ATG10: variants seen among roughly 807,000 people sequenced by gnomAD.
ATG10 encodes the protein ubiquitin-like-conjugating enzyme ATG10.
ATG10 carries 30 observed loss-of-function variants against 32.1 expected under a neutral mutation model. The ratio of observed to expected loss-of-function variants is 0.94; its 90% CI spans 0.70 to 1.27. ATG10 has a LOEUF of 1.27. Ranked by LOEUF, ATG10 falls within the 50% of genes most tolerant of loss-of-function variation. The pLI is 0.00. For synonymous variants in ATG10, 87 were observed against 91.5 expected (o/e 0.95, Z 0.28); for missense variants, 233 against 262.3 (o/e 0.89, Z 0.77).
intron 2 of ATG10, among the ~76,000 whole-genome samples, chr5:82,006,016 G>GA (rs1251727454): frequency 6.6e-6 from 1 of 152,068 alleles, no homozygotes; most frequent in African/African-American, 2.4e-5. Context: ...ACCGCTTATT[G>GA]AAAGGGCTTG....
At position 82,164,470 on chromosome 5, in the gene ATG10, T is replaced by G; in HGVS notation, c.288T>G (p.Tyr96Ter). Residue 96 changes from tyrosine to a stop codon, truncating the protein, a stop_gained, in exon 4 of 8, where the codon TAT (tyrosine) becomes TAG (stop). Transcript: ENST00000282185. LOFTEE classifies it high-confidence loss of function. ...ETAAASEVIK[Y>*]EYHVLYSCSY... ...CAGCAGCGTCCGAAGTGATTAAATA[T>G]GAGTATCATGTCTTATATTCCTGTA... is the stretch of plus-strand genomic sequence containing the variant. 2 of 1,613,530 alleles carry G rather than the reference T, an allele frequency of 1.2e-6. No individual in the cohort carries two copies. The highest frequency in any genetic ancestry group is 1.7e-6 in the Non-Finnish European group (2 of 1,179,480).
Position 81,983,758 on chromosome 5 carries a change from T to C in ATG10, c.-12-3801T>C, listed in dbSNP as rs995155073. ...CTCACTTCTCAGACAGGGCGGCTGC[T>C]GGGCGGAGGGTCTCCTCACTTCTCA... On this transcript the variant is annotated intron_variant, in intron 1 of 7. Transcript: ENST00000282185. 4.3e-3 allele frequency among the ~76,000 whole-genome samples: 628 copies of C among 146,604 alleles called. 15 individuals are homozygous for C. The highest frequency in any genetic ancestry group is 0.016 in the African/African-American group (595 of 37,944).
At chr5:82,037,603 A>G (rs1353498226) in intron 2 of ATG10, among the ~76,000 whole-genome samples, 1 of 151,664 alleles carries the variant, frequency 6.6e-6, no homozygotes, top group Non-Finnish European at 1.5e-5. Flanking sequence ...GCATTCTTCT[A>G]TTTTTCTTTG....
intron 2 of ATG10, among the ~76,000 whole-genome samples, chr5:82,018,910 A>G (rs568513611): frequency 6.6e-6 from 1 of 152,058 alleles, no homozygotes; most frequent in Non-Finnish European, 1.5e-5. Context: ...ATACTATTTA[A>G]TGTACTTATT....
intron 2 of ATG10, among the ~76,000 whole-genome samples, chr5:81,990,058 G>A (rs1303673241): frequency 6.6e-6 from 1 of 152,094 alleles, no homozygotes; most frequent in Non-Finnish European, 1.5e-5. Flanking sequence ...GAGGTCATCT[G>A]CAAACTAAGA....
At chr5:82,171,289 A>G (rs1038257553) in intron 4 of ATG10, among the ~76,000 whole-genome samples, 1 of 152,246 alleles carries the variant, frequency 6.6e-6, no homozygotes, top group Non-Finnish European at 1.5e-5. Flanking sequence ...GTTCATAAAA[A>G]TAGATTGTAA....
rs115778278 is a variant in ATG10, at chr5:82,054,302, C to T, written c.109-4193C>T. 4.7e-3 allele frequency among the ~76,000 whole-genome samples: 711 copies of T among 152,252 alleles called. 3 individuals carry two copies. Among genetic ancestry groups the T allele is most frequent in the Non-Finnish European group, 7.2e-3 (490 of 68,014 alleles). Reference sequence around the variant, plus strand: ...ATTGCAGTACATGCCTCAGTGCTTCCAAAATGTGCATACATATCACCTGGG... The same window carrying T: ...ATTGCAGTACATGCCTCAGTGCTTCTAAAATGTGCATACATATCACCTGGG... On this transcript the variant is annotated intron_variant, in intron 2 of 7. Coordinates refer to ENST00000282185, the MANE Select transcript of ATG10 (RefSeq NM_031482.5).
intron 5 of ATG10, among the ~76,000 whole-genome samples, chr5:82,186,196 A>G (rs1744438034): frequency 3.3e-5 from 5 of 152,200 alleles, no homozygotes; most frequent in Admixed American, 3.3e-4. Flanking sequence ...AAATGGGACT[A>G]CAGATATCAT....
chr5:82,005,308 T>A (rs1761961051), intron 2 of ATG10, among the ~76,000 whole-genome samples: 1 of 152,190 alleles, frequency 6.6e-6, no homozygotes, highest in African/African-American at 2.4e-5. Flanking sequence ...TTTGTTTTGT[T>A]TTTTGAGATA....
chr5:82,078,037 T>G (rs1764335798), intron 3 of ATG10, among the ~76,000 whole-genome samples: 1 of 152,216 alleles, frequency 6.6e-6, no homozygotes, highest in Admixed American at 6.5e-5. Flanking sequence ...AACTTAAGTG[T>G]AATATGGTCA....
chr5:81,981,752 A>G (rs1282614168), intron 1 of ATG10, among the ~76,000 whole-genome samples: 1 of 152,216 alleles, frequency 6.6e-6, no homozygotes, highest in Non-Finnish European at 1.5e-5. Flanking sequence ...TTATAGATTC[A>G]TCAAATCAAC....
intron 5 of ATG10, among the ~76,000 whole-genome samples, chr5:82,184,679 G>A (rs1380959912): frequency 2.0e-5 from 3 of 152,174 alleles, no homozygotes; most frequent in African/African-American, 7.2e-5. Flanking sequence ...TTTTATAGCT[G>A]CATTATTAGA....
At chr5:82,169,594 CAG>C (rs1175996304) in intron 4 of ATG10, among the ~76,000 whole-genome samples, 3 of 152,018 alleles carry the variant, frequency 2.0e-5, no homozygotes, top group Non-Finnish European at 2.9e-5. Context: ...AATTATTTGA[CAG>C]ATAATTTAAT....
At chr5:82,227,352 C>T (rs968169919) in intron 5 of ATG10, among the ~76,000 whole-genome samples, 2 of 151,440 alleles carry the variant, frequency 1.3e-5, no homozygotes, top group African/African-American at 4.8e-5. Context: ...AATTCACACA[C>T]ATATATATAT....
intron 2 of ATG10, among the ~76,000 whole-genome samples, chr5:82,048,702 GA>G: frequency 6.6e-6 from 1 of 151,804 alleles, no homozygotes; most frequent in East Asian, 1.9e-4. Context: ...AAATTTACAA[GA>G]AAAAAACAAA....
intron 5 of ATG10, among the ~76,000 whole-genome samples, chr5:82,240,767 C>G (rs577741204): frequency 9.7e-4 from 148 of 152,180 alleles, no homozygotes; most frequent in Admixed American, 1.4e-3. Context: ...ATCACAGGCA[C>G]CCCATAAATA....
chr5:81,984,802 T>G (rs1187521076), intron 1 of ATG10, among the ~76,000 whole-genome samples: 1 of 152,230 alleles, frequency 6.6e-6, no homozygotes, highest in Non-Finnish European at 1.5e-5. Flanking sequence ...TATATTTACA[T>G]TTTTGAGTTG....
intron 2 of ATG10, among the ~76,000 whole-genome samples, chr5:82,044,503 G>A (rs552241496): frequency 1.3e-5 from 2 of 151,242 alleles, no homozygotes; most frequent in African/African-American, 4.9e-5. Context: ...TCTCATGCTT[G>A]GTAATTTTTT....
chr5:82,041,533 G>A (rs1471076245), intron 2 of ATG10, among the ~76,000 whole-genome samples: 3 of 152,098 alleles, frequency 2.0e-5, no homozygotes, highest in Admixed American at 1.3e-4. Flanking sequence ...TAATAAGAGC[G>A]TTAAATGCTC....
Sources: allele counts gnomAD v4.1 joint callset (sites outside exome capture counted in the v4.1 genomes callset), GRCh38; gene constraint gnomAD v4.1.1; transcripts MANE v1.5; gene names NCBI Gene and HGNC (gene_info 2026-07-23, HGNC 2026-07-21).